The following SPATA31A6 variants were observed in gnomAD, a reference collection of about 807,000 sequenced individuals.
The protein encoded by SPATA31A6 is spermatogenesis-associated protein 31A6.
Under a neutral mutation model 11.9 loss-of-function variants are expected in SPATA31A6, and 9 were observed. That is an observed-to-expected ratio of 0.76 (90% CI 0.46 to 1.32). The LOEUF is 1.32. Among genes scored for constraint, SPATA31A6 ranks in the 40% most tolerant of loss-of-function variants. The probability of loss-of-function intolerance (pLI) is 0.00; values close to 1 mark genes in which losing one functional copy is unlikely to be tolerated. For synonymous variants in SPATA31A6, 314 were observed against 572.1 expected, an observed-to-expected ratio of 0.55 and a Z score of 6.44; for missense variants, 855 against 1,467.3, an observed-to-expected ratio of 0.58 and a Z score of 6.82.
Position 42,187,524 on chromosome 9 carries a change from G to T in SPATA31A6, c.1822G>T (p.Gly608Cys), listed in dbSNP as rs541377175. ...HIKKWIIQHW[G>C]NLGRIQESLD... ...AAAAAAGTGGATCATCCAACACTGG[G>T]GCAACCTGGGAAGGATCCAAGAGTC... The change falls in exon 4 of 4, where the codon GGC becomes TGC. Residue 608 changes from glycine (G) to cysteine (C), a missense_variant. Coordinates refer to ENST00000332857, the MANE Select transcript of SPATA31A6 (RefSeq NM_001145196.1). The T allele has an allele frequency of 6.7e-7, 1 of 1,494,616 alleles. No homozygotes were observed. The highest frequency in any genetic ancestry group is 9.0e-7 in the Non-Finnish European group (1 of 1,114,702). 92.6% of individuals were successfully genotyped at this position (1,494,616 alleles called of 1,614,324 possible). A position where few individuals can be genotyped will look rare whatever the true frequency, so the allele number is the denominator to read the frequency against.
rs1262828204 is a variant in SPATA31A6 at position 42,186,441 on chromosome 9, C to A, written c.739C>A (p.Leu247Met). Residue 247 changes from leucine to methionine, a missense_variant, in exon 4 of 4, where the codon CTG becomes ATG. Leu to Met is a conservative substitution (Grantham distance 15, BLOSUM62 2). Transcript: ENST00000332857. ...PSHCDSVALPLGTVPQSLSPH... is the reference protein window; with the variant it reads ...PSHCDSVALPMGTVPQSLSPH... ...TCACTGTGACTCAGTGGCACTTCCA[C>A]TGGGCACCGTCCCTCAAAGCTTGTC... 6.7e-7 allele frequency: 1 copy of A among 1,484,342 alleles called. No individual in the cohort carries two copies. Among genetic ancestry groups the A allele is most frequent in the Non-Finnish European group, 9.0e-7 (1 of 1,109,852 alleles). The allele number at this position is 1,484,342 out of a possible 1,614,324, so 91.9% of individuals were successfully genotyped here.
At position 42,185,451 on chromosome 9, in the gene SPATA31A6, C is replaced by A. The variant is rs1430032854; in HGVS notation, c.248-244C>A. On this transcript the variant is annotated intron_variant, in intron 2 of 3. Coordinates refer to ENST00000332857, the MANE Select transcript of SPATA31A6 (RefSeq NM_001145196.1). ...CTCTTTGAGACCACCTCAGTCCTTT[C>A]TCCCCACAGGGCAGTTGTGAGGACT... is the stretch of plus-strand genomic sequence containing the variant. 85 of 666,014 alleles carry A rather than the reference C, an allele frequency of 1.3e-4. 10 individuals carry two copies. The Admixed American group carries it at 2.3e-3, about 18-fold the overall frequency. The allele number at this position is 666,014 out of a possible 1,614,324, so 41.3% of individuals were successfully genotyped here.
In SPATA31A6 at chr9:42,183,746, G is replaced by C; in HGVS notation, c.59G>C (p.Ser20Thr). 1 of 1,535,256 alleles carries C rather than the reference G, an allele frequency of 6.5e-7. No individual in the cohort carries two copies. The highest frequency in any genetic ancestry group is 1.1e-5 in the South Asian group (1 of 87,334). The change falls in exon 1 of 4, where the codon AGC (serine) becomes ACC (threonine). Residue 20 changes from serine to threonine, a missense_variant. Transcript: ENST00000332857. ...LLSASSLNAP[S>T]STPWVLDIFL... The stretch of plus-strand genomic sequence containing the variant: ...AGTGCCTCATCGCTAAACGCCCCCA[G>C]CTCCACACCATGGGTGTTGGATATC...
At position 42,187,103 on chromosome 9, in the gene SPATA31A6, C is replaced by T. The variant is rs1829471879; in HGVS notation, c.1401C>T (p.Phe467=). 1.1e-5 allele frequency: 17 copies of T among 1,541,876 alleles called. 4 individuals are homozygous for T. The highest frequency in any genetic ancestry group is 1.5e-5 in the Non-Finnish European group (17 of 1,137,490). ...QRETTMSPLL[F]QAQPLSHRQP... is the part of the protein sequence containing the mutation. ...AGACTACAATGTCCCCACTGCTTTTCCAGGCCCAGCCCCTGTCCCACCGCC... is the reference window on the plus strand; with the variant it reads ...AGACTACAATGTCCCCACTGCTTTTTCAGGCCCAGCCCCTGTCCCACCGCC... Residue 467 remains phenylalanine, a synonymous_variant, in exon 4 of 4, where the codon TTC becomes TTT. Transcript: ENST00000332857.
chr9:42,186,997 G>A lies in SPATA31A6; in HGVS notation c.1295G>A (p.Trp432Ter). The change falls in exon 4 of 4, where the codon TGG becomes TAG. Residue 432 changes from tryptophan (W) to a stop codon, truncating the protein, a stop_gained. Coordinates refer to ENST00000332857, the MANE Select transcript of SPATA31A6 (RefSeq NM_001145196.1). LOFTEE classifies it low-confidence loss of function (END_TRUNC). ...AGCGAGTCCCTGGTGGCTAACGCCT[G>A]GGTAACTGACAGGTCTTATACTTTA... Reference protein sequence around the residue: ...LHSESLVANAWVTDRSYTLQS... With the variant: ...LHSESLVANA 1.3e-6 allele frequency: 2 copies of A among 1,546,468 alleles called. No individual in the cohort carries two copies. The highest frequency in any genetic ancestry group is 1.8e-6 in the Non-Finnish European group (2 of 1,142,034).
chr9:42,183,898 C>A, intron 1 of SPATA31A6, 22 bp downstream of exon 1: 1 of 1,528,306 alleles, frequency 6.5e-7, no homozygotes, highest in South Asian at 1.2e-5. Flanking sequence ...TCAGTCCCGA[C>A]CCACAGAGCT....
In SPATA31A6 at chr9:42,189,388, A is replaced by G; in HGVS notation, c.3686A>G (p.Asn1229Ser). 1.3e-6 allele frequency: 2 copies of G among 1,552,044 alleles called. No homozygotes were observed. The highest frequency in any genetic ancestry group is 8.7e-7 in the Non-Finnish European group (1 of 1,145,970). ...LCHAHHASKVNQHKQKFQAPV... is the reference protein window; with the variant it reads ...LCHAHHASKVSQHKQKFQAPV... The stretch of plus-strand genomic sequence containing the variant: ...CATGCGCACCATGCCTCGAAGGTAA[A>G]TCAGCACAAACAGAAGTTTCAAGCC... Residue 1229 changes from asparagine (N) to serine (S), a missense_variant, in exon 4 of 4, where the codon AAT becomes AGT. Coordinates refer to ENST00000332857, the MANE Select transcript of SPATA31A6 (RefSeq NM_001145196.1).
In SPATA31A6 at chr9:42,188,904, C is replaced by A; in HGVS notation, c.3202C>A (p.Leu1068Ile). The A allele has an allele frequency of 6.5e-7, 1 of 1,539,794 alleles. No homozygotes were observed. The highest frequency in any genetic ancestry group is 8.8e-7 in the Non-Finnish European group (1 of 1,136,904). Residue 1068 changes from leucine (L) to isoleucine (I), a missense_variant, in exon 4 of 4, where the codon CTA (leucine) becomes ATA (isoleucine). By Grantham distance (5) the Leu-to-Ile change is conservative (BLOSUM62 2). Transcript: ENST00000332857. ...PTGNMRASQE[L>I]HDLMAARRSK... is the part of the protein sequence containing the mutation. ...TGGGAACATGCGGGCTTCCCAGGAG[C>A]TACATGACCTCATGGCAGCCAGAAG... is the stretch of plus-strand genomic sequence containing the variant.
chr9:42,187,167 C>A lies in SPATA31A6; in HGVS notation c.1465C>A (p.Pro489Thr). 6.5e-7 allele frequency: 1 copy of A among 1,543,264 alleles called. No individual in the cohort carries two copies. Among genetic ancestry groups the A allele is most frequent in the Non-Finnish European group, 8.8e-7 (1 of 1,138,008 alleles). The change falls in exon 4 of 4, where the codon CCT (proline) becomes ACT (threonine). Residue 489 changes from proline (P) to threonine (T), a missense_variant. Physicochemically the swap from Pro to Thr is conservative, Grantham distance 38. Coordinates refer to ENST00000332857, the MANE Select transcript of SPATA31A6 (RefSeq NM_001145196.1). ...ISSTPQFLPT[P>T]MAQAEAQAHL... ...ATCCACACCCCAATTCCTGCCCACA[C>A]CTATGGCTCAGGCCGAGGCTCAGGC... is the stretch of plus-strand genomic sequence containing the variant.
Position 42,186,847 on chromosome 9 carries a change from T to C in SPATA31A6, c.1145T>C (p.Phe382Ser). ...CAGGACACCACAAACCCAAAACCCT[T>C]CTGGAACATGGGAGAGAACTCGAAA... ...AEQDTTNPKP[F>S]WNMGENSKQL... The change falls in exon 4 of 4, where the codon TTC (phenylalanine) becomes TCC (serine). Residue 382 changes from phenylalanine (F) to serine (S), a missense_variant. By Grantham distance (155) the Phe-to-Ser change is radical. Coordinates refer to ENST00000332857, the MANE Select transcript of SPATA31A6 (RefSeq NM_001145196.1). 4 of 1,535,374 alleles carry C rather than the reference T, an allele frequency of 2.6e-6. 1 individual carries two copies. Among genetic ancestry groups the C allele is most frequent in the Non-Finnish European group, 3.5e-6 (4 of 1,142,162 alleles).
Position 42,185,727 on chromosome 9 carries a change from A to T in SPATA31A6, c.280A>T (p.Thr94Ser), listed in dbSNP as rs1301531086. 5 of 1,272,058 alleles carry T rather than the reference A, an allele frequency of 3.9e-6. 2 individuals carry two copies. Among genetic ancestry groups the T allele is most frequent in the African/African-American group, 3.7e-5 (2 of 53,724 alleles). The allele number at this position is 1,272,058 out of a possible 1,614,324, so 78.8% of individuals were successfully genotyped here. A position where few individuals can be genotyped will look rare whatever the true frequency, so the allele number is the denominator to read the frequency against. Residue 94 changes from threonine (T) to serine (S), a missense_variant, in exon 3 of 4, where the codon ACT (threonine) becomes TCT (serine). Thr to Ser is a moderately conservative substitution (Grantham distance 58). Transcript: ENST00000332857. ...AGAGTGCCCGAGAGGCCTGGAGGAG[A>T]CTTCGGACCTTCTTTCACAACTGCA... The part of the protein sequence containing the change: ...GRECPRGLEE[T>S]SDLLSQLQSL...
chr9:42,184,078 T>A (rs1829397453), intron 1 of SPATA31A6, among the ~76,000 whole-genome samples: 1 of 137,536 alleles, frequency 7.3e-6, no homozygotes, highest in South Asian at 2.4e-4. Flanking sequence ...TCCCAAGATC[T>A]CAGTCCATCT....
chr9:42,184,190 A>G (rs574485608), intron 1 of SPATA31A6, among the ~76,000 whole-genome samples: 1 of 137,594 alleles, frequency 7.3e-6, no homozygotes, highest in Non-Finnish European at 1.6e-5. Context: ...CCAGGCCCTG[A>G]GCCCTGGCTC....
intron 1 of SPATA31A6, among the ~76,000 whole-genome samples, chr9:42,184,481 GTT>G (rs1491374220): frequency 2.0e-5 from 2 of 102,456 alleles, no homozygotes; most frequent in Non-Finnish European, 3.9e-5. Flanking sequence ...GTGTGTGTGT[GTT>G]ATTTTTATTT....
rs1010144818 is a variant in SPATA31A6, at chr9:42,187,351, G to A, written c.1649G>A (p.Gly550Asp). The change falls in exon 4 of 4, where the codon GGT becomes GAT. Residue 550 changes from glycine to aspartate, a missense_variant. Physicochemically the swap from Gly to Asp is moderately conservative, Grantham distance 94. Coordinates refer to ENST00000332857, the MANE Select transcript of SPATA31A6 (RefSeq NM_001145196.1). Reference protein sequence around the residue: ...EWPLLRKQLEGRLALPSRVQK... With the variant: ...EWPLLRKQLEDRLALPSRVQK... The stretch of plus-strand genomic sequence containing the variant: ...CCTTTGTTGAGGAAACAACTAGAAG[G>A]TAGGTTGGCTTTACCCTCTAGGGTC... 2.6e-6 allele frequency: 4 copies of A among 1,537,552 alleles called. No homozygotes were observed. In the South Asian group the frequency reaches 3.5e-5, roughly 13 times the overall value.
Position 42,189,251 on chromosome 9 carries a change from T to C in SPATA31A6, c.3549T>C (p.Ala1183=). ...KKKSKPAPVT[A]ESQKTVKNRS... is the part of the protein sequence containing the mutation. Reference sequence around the variant, plus strand: ...AAAGCAAGCCAGCACCAGTCACTGCTGAGAGCCAAAAAACAGTAAAAAACA... The same window carrying C: ...AAAGCAAGCCAGCACCAGTCACTGCCGAGAGCCAAAAAACAGTAAAAAACA... Residue 1183 remains alanine, a synonymous_variant, in exon 4 of 4, where the codon GCT becomes GCC. Coordinates refer to ENST00000332857, the MANE Select transcript of SPATA31A6 (RefSeq NM_001145196.1). 2 of 1,556,822 alleles carry C rather than the reference T, an allele frequency of 1.3e-6. No individual in the cohort carries two copies. The highest frequency in any genetic ancestry group is 4.7e-5 in the East Asian group (2 of 42,186).
At position 42,187,132 on chromosome 9, in the gene SPATA31A6, C is replaced by G. The variant is rs761081246; in HGVS notation, c.1430C>G (p.Pro477Arg). 2 of 1,542,462 alleles carry G rather than the reference C, an allele frequency of 1.3e-6. No individual in the cohort carries two copies. The highest frequency in any genetic ancestry group is 1.8e-6 in the Non-Finnish European group (2 of 1,137,626). The change falls in exon 4 of 4, where the codon CCC becomes CGC. Residue 477 changes from proline to arginine, a missense_variant. Transcript: ENST00000332857. Reference protein sequence around the residue: ...FQAQPLSHRQPFISSTPQFLP... With the variant: ...FQAQPLSHRQRFISSTPQFLP... ...GCCCAGCCCCTGTCCCACCGCCAACCCTTTATTTCATCCACACCCCAATTC... is the reference window on the plus strand; with the variant it reads ...GCCCAGCCCCTGTCCCACCGCCAACGCTTTATTTCATCCACACCCCAATTC...
Position 42,188,901 on chromosome 9 carries a change from G to T in SPATA31A6, c.3199G>T (p.Glu1067Ter). 4 of 1,543,252 alleles carry T rather than the reference G, an allele frequency of 2.6e-6. No homozygotes were observed. Among genetic ancestry groups the T allele is most frequent in the Non-Finnish European group, 3.5e-6 (4 of 1,139,066 alleles). Residue 1067 changes from glutamate (E) to a stop codon, truncating the protein, a stop_gained, in exon 4 of 4, where the codon GAG becomes TAG. Transcript: ENST00000332857. LOFTEE classifies it low-confidence loss of function (END_TRUNC). The stretch of plus-strand genomic sequence containing the variant: ...TACTGGGAACATGCGGGCTTCCCAG[G>T]AGCTACATGACCTCATGGCAGCCAG... Reference protein sequence around the residue: ...MPTGNMRASQELHDLMAARRS... With the variant: ...MPTGNMRASQ
chr9:42,189,197 A>G lies in SPATA31A6; in HGVS notation c.3495A>G (p.Gln1165=). ...SVSHFGENIK[Q]FFQWIFSKKK... ...GCCACTTTGGAGAAAACATCAAGCA[A>G]TTTTTTCAGTGGATTTTTTCAAAGA... Residue 1165 remains glutamine (Q), a synonymous_variant, in exon 4 of 4, where the codon CAA becomes CAG. Coordinates refer to ENST00000332857, the MANE Select transcript of SPATA31A6 (RefSeq NM_001145196.1). 6.5e-7 allele frequency: 1 copy of G among 1,542,320 alleles called. No homozygotes were observed. The highest frequency in any genetic ancestry group is 8.8e-7 in the Non-Finnish European group (1 of 1,137,082).
Sources: allele counts gnomAD v4.1 joint callset (sites outside exome capture counted in the v4.1 genomes callset), GRCh38; gene constraint gnomAD v4.1.1; transcripts MANE v1.5; gene names NCBI Gene and HGNC (gene_info 2026-07-23, HGNC 2026-07-21).